The following C2orf66 variants were observed in gnomAD, a reference collection of about 807,000 sequenced individuals.
C2orf66 encodes chromosome 2 open reading frame 66, also known as uncharacterized protein C2orf66.
In C2orf66, 6 loss-of-function variants were observed where a neutral mutation model predicts 7.0. The ratio of observed to expected loss-of-function variants is 0.86; its 90% CI spans 0.47 to 1.69. C2orf66 has a LOEUF of 1.69. Ranked by LOEUF, C2orf66 falls within the 40% of genes most tolerant of loss-of-function variation. The pLI is 0.01. For missense variants in C2orf66, 107 were observed against 112.0 expected, an observed-to-expected ratio of 0.96 and a Z score of 0.20; for synonymous variants, 38 against 43.8, an observed-to-expected ratio of 0.87 and a Z score of 0.52.
the C2orf66 span, among the ~76,000 whole-genome samples, chr2:196,824,783 C>T: frequency 6.6e-6 from 1 of 152,108 alleles, no homozygotes; most frequent in African/African-American, 2.4e-5. Context: ...TAAAGGCAAC[C>T]TCACTTCTGC....
upstream of C2orf66, among the ~76,000 whole-genome samples, chr2:196,813,834 C>T (rs1699898777): frequency 6.6e-6 from 1 of 152,196 alleles, no homozygotes; most frequent in Admixed American, 6.5e-5. Flanking sequence ...CTCATCATCA[C>T]TGGTCACTAG....
chr2:196,829,839 G>A, the C2orf66 span, among the ~76,000 whole-genome samples: 1 of 152,158 alleles, frequency 6.6e-6, no homozygotes, highest in East Asian at 1.9e-4. Context: ...GGAGCTTTCA[G>A]TGAGCCGAGA....
At chr2:196,809,558 TAATGAG>T (rs1699854085), upstream of C2orf66, 1 of 545,050 alleles carries the variant, frequency 1.8e-6, no homozygotes, top group Admixed American at 3.0e-5. Flanking sequence ...TAGCCCATGA[TAATGAG>T]AATGTTATAC....
At chr2:196,826,628 T>G in the C2orf66 span, among the ~76,000 whole-genome samples, 1 of 151,988 alleles carries the variant, frequency 6.6e-6, no homozygotes, top group Admixed American at 6.6e-5. Context: ...AGAAAAAGAG[T>G]TATTCAGATG....
chr2:196,807,580 C>A lies in C2orf66; in HGVS notation c.166G>T (p.Asp56Tyr). The A allele has an allele frequency of 6.2e-7, 1 of 1,613,674 alleles. No individual in the cohort carries two copies. Among genetic ancestry groups the A allele is most frequent in the South Asian group, 1.1e-5 (1 of 90,972 alleles). The change falls in exon 2 of 3, where the codon GAT becomes TAT. Residue 56 changes from aspartate to tyrosine, a missense_variant. Asp to Tyr is a radical substitution (Grantham distance 160). Transcript: ENST00000342506. ...LQAYFKGRGL[D>Y]LGTFPNPFPT... The stretch of plus-strand genomic sequence containing the variant: ...AAAGGATTTGGAAATGTTCCAAGAT[C>A]AAGACCTCTGCCCTTAAAATATGCC...
upstream of C2orf66, among the ~76,000 whole-genome samples, chr2:196,813,787 A>G (rs2125759966): frequency 6.6e-6 from 1 of 152,370 alleles, no homozygotes; most frequent in African/African-American, 2.4e-5. Context: ...ACTTCTCAGA[A>G]GAAGACGTTT....
intron 2 of C2orf66, among the ~76,000 whole-genome samples, 165 bp from the exon 3 acceptor site, chr2:196,805,573 C>A: frequency 6.6e-6 from 1 of 152,030 alleles, no homozygotes; most frequent in African/African-American, 2.4e-5. Context: ...TACTCCAAAT[C>A]AGAAGCTTTG....
the C2orf66 span, among the ~76,000 whole-genome samples, chr2:196,818,834 C>T: frequency 0.1 from 15,782 of 152,242 alleles, 998 homozygotes; most frequent in African/African-American, 0.18. Flanking sequence ...AGGTCTTTGG[C>T]AGGCAGGCTG....
chr2:196,826,787 C>T, the C2orf66 span, among the ~76,000 whole-genome samples: 1 of 152,088 alleles, frequency 6.6e-6, no homozygotes, highest in Admixed American at 6.6e-5. Flanking sequence ...AACCCCAGCA[C>T]TTTGGGAGAC....
chr2:196,813,708 C>T (rs138102566), upstream of C2orf66, among the ~76,000 whole-genome samples: 900 of 152,148 alleles, frequency 5.9e-3, 9 homozygotes, highest in African/African-American at 0.02. Context: ...CCAGAATCTA[C>T]AAAGAACTTA....
intron 2 of C2orf66, among the ~76,000 whole-genome samples, chr2:196,806,913 A>G (rs1042175292): frequency 1.3e-5 from 2 of 152,134 alleles, no homozygotes; most frequent in Non-Finnish European, 2.9e-5. Flanking sequence ...ATTTTTTTCT[A>G]TGAGAAAAAT....
the C2orf66 span, among the ~76,000 whole-genome samples, chr2:196,831,499 A>T: frequency 4.6e-5 from 7 of 151,974 alleles, no homozygotes; most frequent in Non-Finnish European, 1.0e-4. Flanking sequence ...GGGCCACCTA[A>T]ATCAGGTGGG....
chr2:196,821,979 G>A, the C2orf66 span, among the ~76,000 whole-genome samples: 16 of 105,064 alleles, frequency 1.5e-4, no homozygotes, highest in African/African-American at 5.9e-4. Flanking sequence ...GTCTTGGCAC[G>A]ATCTTGTCTC....
rs1699805098 is a variant in C2orf66, at chr2:196,805,028, A to G, written c.*400T>C. 1 of 152,210 alleles carries G rather than the reference A, an allele frequency of 6.6e-6. No homozygotes were observed. Among genetic ancestry groups the G allele is most frequent in the Non-Finnish European group, 1.5e-5 (1 of 68,032 alleles). The allele number at this position is 152,210 out of a possible 1,614,324, so 9.4% of individuals were successfully genotyped here. On this transcript the variant is annotated 3_prime_UTR_variant, in exon 3 of 3. Transcript: ENST00000342506. Reference sequence around the variant, plus strand: ...CACATATAATGAATTTTACTATACTAAAAGTGAGCATGTCCCTTTAAAAAA... The same window carrying G: ...CACATATAATGAATTTTACTATACTGAAAGTGAGCATGTCCCTTTAAAAAA...
At chr2:196,810,488 A>G (rs1377966745), upstream of C2orf66, among the ~76,000 whole-genome samples, 2 of 152,074 alleles carry the variant, frequency 1.3e-5, no homozygotes. Context: ...GAGCAAGAAG[A>G]TAACACATGT....
chr2:196,818,827 TC>T, the C2orf66 span, among the ~76,000 whole-genome samples: 3,536 of 152,262 alleles, frequency 0.023, 69 homozygotes, highest in Middle Eastern at 0.037. Flanking sequence ...TGCAAACAGG[TC>T]TTTGGCAGGC....
chr2:196,830,851 G>A, the C2orf66 span, among the ~76,000 whole-genome samples: 4 of 152,114 alleles, frequency 2.6e-5, no homozygotes, highest in East Asian at 1.9e-4. Context: ...ATGGAGGGGT[G>A]AGCATGATAG....
the C2orf66 span, among the ~76,000 whole-genome samples, chr2:196,829,093 ATTT>A: frequency 6.6e-6 from 1 of 151,624 alleles, no homozygotes; most frequent in South Asian, 2.1e-4. Flanking sequence ...ACACACGCAC[ATTT>A]TTTTTCACAC....
Position 196,805,193 on chromosome 2 carries a change from T to C in C2orf66, c.*235A>G, listed in dbSNP as rs1175970477. On this transcript the variant is annotated 3_prime_UTR_variant, in exon 3 of 3. Coordinates refer to ENST00000342506, the MANE Select transcript of C2orf66 (RefSeq NM_213608.3). The stretch of plus-strand genomic sequence containing the variant: ...CTACAAATACATGCGGTGCTCTACA[T>C]CAATATTTATGGTTTCATAGGAAAA... The C allele has an allele frequency of 6.6e-6, 1 of 152,186 alleles. No homozygotes were observed. Among genetic ancestry groups the C allele is most frequent in the East Asian group, 1.9e-4 (1 of 5,200 alleles). 9.4% of individuals were successfully genotyped at this position (152,186 alleles called of 1,614,324 possible).
Sources: allele counts gnomAD v4.1 joint callset (sites outside exome capture counted in the v4.1 genomes callset), GRCh38; gene constraint gnomAD v4.1.1; transcripts MANE v1.5; gene names NCBI Gene and HGNC (gene_info 2026-07-23, HGNC 2026-07-21).